ARHGAP17: variants seen among roughly 807,000 people sequenced by gnomAD.
ARHGAP17 encodes rho GTPase-activating protein 17.
Under a neutral mutation model 99.5 loss-of-function variants are expected in ARHGAP17, and 57 were observed. The ratio of observed to expected loss-of-function variants is 0.57; its 90% confidence interval spans 0.46 to 0.71. The LOEUF (loss-of-function observed/expected upper bound fraction) is 0.71, where lower values mean the gene tolerates loss of function less well. ARHGAP17 is among the 30% of genes least tolerant of loss of function. ARHGAP17 has a pLI of 0.00. For synonymous variants in ARHGAP17, 417 were observed against 429.6 expected (o/e 0.97, Z 0.36); for missense variants, 1,000 against 1,122.4 (o/e 0.89, Z 1.56).
intron 18 of ARHGAP17, among the ~76,000 whole-genome samples, chr16:24,934,448 G>C (rs987663055): frequency 6.6e-6 from 1 of 151,792 alleles, no homozygotes; most frequent in African/African-American, 2.4e-5. Flanking sequence ...GAGCCACTGC[G>C]CCTGGCCTCT....
intron 1 of ARHGAP17, among the ~76,000 whole-genome samples, chr16:24,982,592 C>A (rs2052705481): frequency 6.6e-6 from 1 of 152,094 alleles, no homozygotes; most frequent in African/African-American, 2.4e-5. Flanking sequence ...ATTTTCAGGC[C>A]TTGGTACTGT....
intron 14 of ARHGAP17, among the ~76,000 whole-genome samples, chr16:24,944,671 CA>C (rs2051416452): frequency 6.6e-6 from 1 of 152,128 alleles, no homozygotes; most frequent in South Asian, 2.1e-4. Flanking sequence ...GGCTGGAGTG[CA>C]GTGGCGCTAT....
At chr16:24,958,261 GA>G (rs905375319) in intron 9 of ARHGAP17, among the ~76,000 whole-genome samples, 3 of 140,962 alleles carry the variant, frequency 2.1e-5, no homozygotes, top group African/African-American at 8.2e-5. Flanking sequence ...AACAAAATGC[GA>G]AAAAAAATCC....
chr16:25,001,019 T>C (rs1315251448), intron 1 of ARHGAP17, among the ~76,000 whole-genome samples: 3 of 152,232 alleles, frequency 2.0e-5, no homozygotes, highest in Non-Finnish European at 4.4e-5. Context: ...ATAGTCCTTA[T>C]CATGTTCCTG....
intron 16 of ARHGAP17, chr16:24,941,622 C>T (rs568671117): frequency 8.7e-5 from 18 of 207,146 alleles, no homozygotes; most frequent in African/African-American, 3.8e-4. Context: ...TGTTCTCACA[C>T]TCAATTCTGG....
At chr16:24,946,409 G>A (rs2051474998) in intron 14 of ARHGAP17, among the ~76,000 whole-genome samples, 1 of 151,610 alleles carries the variant, frequency 6.6e-6, no homozygotes, top group African/African-American at 2.4e-5. Flanking sequence ...GTACGAAACT[G>A]TTAACTCATC....
intron 3 of ARHGAP17, chr16:24,972,780 C>A (rs533666936): frequency 3.3e-5 from 5 of 152,282 alleles, no homozygotes; most frequent in African/African-American, 1.2e-4. Context: ...GTTTCCCTAA[C>A]CTGACCCCAA....
intron 7 of ARHGAP17, among the ~76,000 whole-genome samples, chr16:24,961,200 T>A (rs1253542936): frequency 6.6e-6 from 1 of 151,258 alleles, no homozygotes; most frequent in Non-Finnish European, 1.5e-5. Flanking sequence ...TATAAAAATA[T>A]GTCTTGACAA....
In ARHGAP17 at chr16:25,014,691, G is replaced by A. The variant is rs116933151; in HGVS notation, c.53+518C>T. Among the ~76,000 whole-genome samples, 495 of 152,320 alleles carry A rather than the reference G, an allele frequency of 3.2e-3. 2 individuals carry two copies. Among genetic ancestry groups the A allele is most frequent in the Non-Finnish European group, 4.0e-3 (270 of 68,020 alleles). The stretch of plus-strand genomic sequence containing the variant: ...CTGAACTCACTGAGCAAATCCGGCT[G>A]GCTTTCATGTCCCTCTAGCCATTTC... On this transcript the variant is annotated intron_variant, in intron 1 of 19. Transcript: ENST00000289968.
Position 24,934,322 on chromosome 16 carries a change from C to T in ARHGAP17, c.1894+1148G>A, listed in dbSNP as rs372875269. Among the ~76,000 whole-genome samples, 6 of 151,404 alleles carry T rather than the reference C, an allele frequency of 4.0e-5. No homozygotes were observed. In the South Asian group the frequency reaches 8.3e-4, roughly 21 times the overall value. On this transcript the variant is annotated intron_variant, in intron 18 of 19. Coordinates refer to ENST00000289968, the MANE Select transcript of ARHGAP17 (RefSeq NM_001006634.3). ...ACCACAGGCGTGCAAGCACCATGCC[C>T]GGCTAATTTTTGTATTTTTAGTAGA...
At chr16:24,922,030 T>C (rs2152436303) in intron 19 of ARHGAP17, among the ~76,000 whole-genome samples, 1 of 152,356 alleles carries the variant, frequency 6.6e-6, no homozygotes, top group East Asian at 1.9e-4. Flanking sequence ...CACACTTGGA[T>C]GGTTGGATGG....
At chr16:24,999,356 AACAG>A (rs1280268383) in intron 1 of ARHGAP17, among the ~76,000 whole-genome samples, 3 of 152,184 alleles carry the variant, frequency 2.0e-5, no homozygotes, top group East Asian at 3.8e-4. Flanking sequence ...GATATAATAA[AACAG>A]ACAGAAGTGT....
intron 3 of ARHGAP17, among the ~76,000 whole-genome samples, chr16:24,974,720 T>G (rs1052396914): frequency 6.6e-6 from 1 of 151,984 alleles, no homozygotes; most frequent in Non-Finnish European, 1.5e-5. Flanking sequence ...ACTACAACAG[T>G]CCAGGTGAGA....
chr16:25,010,284 G>A (rs994066434), intron 1 of ARHGAP17, among the ~76,000 whole-genome samples: 1 of 152,042 alleles, frequency 6.6e-6, no homozygotes, highest in African/African-American at 2.4e-5. Flanking sequence ...ATGTTGCTCA[G>A]GCTGGTCTGA....
intron 1 of ARHGAP17, among the ~76,000 whole-genome samples, chr16:24,993,333 C>A (rs2053103597): frequency 6.6e-6 from 1 of 152,088 alleles, no homozygotes; most frequent in African/African-American, 2.4e-5. Context: ...CGCCTGTAAT[C>A]CCAGCACTTT....
At chr16:24,953,101 G>T (rs2051693821) in intron 10 of ARHGAP17, 59 bp from the exon 11 acceptor site, 2 of 1,492,912 alleles carry the variant, frequency 1.3e-6, no homozygotes, top group African/African-American at 1.4e-5. Flanking sequence ...AGACTAAGTG[G>T]CAGTGTGTTC....
chr16:24,999,168 G>A (rs114815518), intron 1 of ARHGAP17, among the ~76,000 whole-genome samples: 3,536 of 152,264 alleles, frequency 0.023, 123 homozygotes, highest in African/African-American at 0.078. Context: ...ATTTTTTAAA[G>A]TGGTCTCACA....
chr16:25,002,620 C>G (rs79959692), intron 1 of ARHGAP17, among the ~76,000 whole-genome samples: 10,903 of 152,258 alleles, frequency 0.072, 1,284 homozygotes, highest in African/African-American at 0.25. Flanking sequence ...ATCAACATCG[C>G]CTGGCTCTCA....
chr16:24,960,784 T>A, intron 7 of ARHGAP17, among the ~76,000 whole-genome samples: 1 of 144,998 alleles, frequency 6.9e-6, no homozygotes. Flanking sequence ...GCCACTGCAC[T>A]CCAGCCTGGC....
Sources: gnomAD v4.1 joint callset for allele counts (sites outside exome capture counted in the v4.1 genomes callset) on GRCh38, gnomAD v4.1.1 for gene constraint, MANE v1.5 for transcripts, NCBI Gene and HGNC (gene_info 2026-07-23, HGNC 2026-07-21) for gene names.